Variants in COL12A1 observed in about 807,000 individuals in gnomAD.
The protein encoded by COL12A1 is collagen type XII alpha 1 chain, also known as collagen alpha-1(XII) chain.
Under a neutral mutation model 349.7 loss-of-function variants are expected in COL12A1, and 114 were observed. The ratio of observed to expected loss-of-function variants is 0.33; its 90% confidence interval spans 0.28 to 0.38. The LOEUF (loss-of-function observed/expected upper bound fraction) is 0.38, where lower values mean the gene tolerates loss of function less well. Ranked by LOEUF, COL12A1 falls within the 10% of genes least tolerant of loss-of-function variation. The pLI is 1.00. For synonymous variants in COL12A1, 1,369 were observed against 1,329.0 expected, an observed-to-expected ratio of 1.03 and a Z score of -0.66; for missense variants, 3,284 against 3,756.9, an observed-to-expected ratio of 0.87 and a Z score of 3.29.
chr6:75,165,377 A>T (rs1768237793), intron 14 of COL12A1, 130 bp downstream of exon 14: 4 of 1,245,966 alleles, frequency 3.2e-6, no homozygotes, highest in Non-Finnish European at 4.4e-6. Flanking sequence ...TTCTTTAAAG[A>T]TCCTAATTCC....
rs1445677898 is a variant in COL12A1 at position 75,183,749 on chromosome 6, A to C, written c.1289-97T>G. 3.2e-6 allele frequency: 5 copies of C among 1,540,004 alleles called. No individual in the cohort carries two copies. In the East Asian group the frequency reaches 1.1e-4, roughly 35 times the overall value. On this transcript the variant is annotated intron_variant, in intron 9 of 65. Coordinates refer to ENST00000322507, the MANE Select transcript of COL12A1 (RefSeq NM_004370.6). ...TAGTAAGCGTGCTTCTTTAAAAAAA[A>C]AACTATTGCAAATATTTCATTCAAA... is the stretch of plus-strand genomic sequence containing the variant.
chr6:75,192,818 G>GA (rs941636701), intron 3 of COL12A1, among the ~76,000 whole-genome samples: 4 of 152,106 alleles, frequency 2.6e-5, no homozygotes, highest in South Asian at 2.1e-4. Flanking sequence ...CCCCTAGTGG[G>GA]AAAAAATCTG....
In COL12A1 at chr6:75,177,887, C is replaced by T. The variant is rs750973541; in HGVS notation, c.2213G>A (p.Ser738Asn). The change falls in exon 12 of 66, where the codon AGT becomes AAT. Residue 738 changes from serine (S) to asparagine (N), a missense_variant. Physicochemically the swap from Ser to Asn is conservative, Grantham distance 46 (BLOSUM62 1). This residue lies in a region of COL12A1 where 2,601 missense variants were observed against 2,824.8 expected (regional missense o/e 0.92). Coordinates refer to ENST00000322507, the MANE Select transcript of COL12A1 (RefSeq NM_004370.6). ...NLKVTDETTD[S>N]FKITWTQAPG... The stretch of plus-strand genomic sequence containing the variant: ...AGCTTGAGTCCAAGTAATTTTGAAA[C>T]TATCTGTAGTCTCATCTGTCACCTT... 6.2e-7 allele frequency: 1 copy of T among 1,613,240 alleles called. No individual in the cohort carries two copies. The highest frequency in any genetic ancestry group is 1.1e-5 in the South Asian group (1 of 91,080).
intron 6 of COL12A1, 73 bp downstream of exon 6, chr6:75,189,479 A>T: frequency 6.3e-7 from 1 of 1,577,436 alleles, no homozygotes; most frequent in Admixed American, 1.8e-5. Flanking sequence ...AATATGTAAT[A>T]GGCAATGCAT....
At chr6:75,128,909 C>A (rs1281582617) in intron 37 of COL12A1, among the ~76,000 whole-genome samples, 2 of 152,202 alleles carry the variant, frequency 1.3e-5, no homozygotes, top group Non-Finnish European at 2.9e-5. Context: ...TCAAAAATAT[C>A]AGTTTGGCTG....
chr6:75,189,313 T>G lies in COL12A1; in HGVS notation c.727A>C (p.Lys243Gln), dbSNP rs1769801626. 1 of 1,613,096 alleles carries G rather than the reference T, an allele frequency of 6.2e-7. No homozygotes were observed. Among genetic ancestry groups the G allele is most frequent in the African/African-American group, 1.3e-5 (1 of 74,878 alleles). Residue 243 changes from lysine (K) to glutamine (Q), a missense_variant, in exon 7 of 66, where the codon AAA (lysine) becomes CAA (glutamine). Physicochemically the swap from Lys to Gln is moderately conservative, Grantham distance 53. Around this residue, in one of 2 missense-constraint regions of COL12A1, gnomAD observed 2,601 missense variants for 2,824.8 expected, o/e 0.92. Coordinates refer to ENST00000322507, the MANE Select transcript of COL12A1 (RefSeq NM_004370.6). Reference protein sequence around the residue: ...ESAGARVGFPKVAIIITDGKS... With the variant: ...ESAGARVGFPQVAIIITDGKS... ...CCATCCGTAATAATAATTGCCACTT[T>G]AGGAAAGCCAACTCTTGCCCCAGCA...
Position 75,140,655 on chromosome 6 carries a change from C to CAAA in COL12A1, c.4957+1374_4957+1376dup, listed in dbSNP as rs1236499281. On this transcript the variant is annotated intron_variant, in intron 27 of 65. Transcript: ENST00000322507. ...TGGGTGACAGAGCGAGACTCTGTCT[C>CAAA]AAAAAAAAAAAAAAAAAAAAAAAGC... 1.8e-3 allele frequency among the ~76,000 whole-genome samples: 81 copies of CAAA among 45,852 alleles called. No individual in the cohort carries two copies. In the East Asian group the frequency reaches 0.023, roughly 13 times the overall value. The allele number at this position is 45,852 out of a possible 152,430, so 30.1% of individuals were successfully genotyped here.
intron 27 of COL12A1, among the ~76,000 whole-genome samples, chr6:75,141,768 A>G (rs1766902371): frequency 2.0e-5 from 3 of 152,234 alleles, no homozygotes; most frequent in Admixed American, 6.5e-5. Context: ...ATGCACACAC[A>G]TACACAGGTG....
chr6:75,124,218 A>C, intron 41 of COL12A1, 37 bp downstream of exon 41: 2 of 1,601,216 alleles, frequency 1.2e-6, no homozygotes, highest in Non-Finnish European at 8.5e-7. Flanking sequence ...TTTCCACTAC[A>C]TGCTCCAGAT....
intron 52 of COL12A1, among the ~76,000 whole-genome samples, chr6:75,106,853 C>T (rs1376811070): frequency 5.0e-5 from 7 of 140,570 alleles, no homozygotes; most frequent in Admixed American, 1.4e-4. Flanking sequence ...AGTTTTGTTC[C>T]ACTTGTTTGT....
chr6:75,138,651 C>A, intron 28 of COL12A1, 71 bp from the exon 29 acceptor site: 1 of 1,586,910 alleles, frequency 6.3e-7, no homozygotes, highest in Non-Finnish European at 8.6e-7. Context: ...CACTCAATGG[C>A]AGTTTATTCA....
chr6:75,093,264 G>A (rs1003869507), intron 60 of COL12A1, among the ~76,000 whole-genome samples: 1 of 152,164 alleles, frequency 6.6e-6, no homozygotes, highest in Non-Finnish European at 1.5e-5. Flanking sequence ...ACACTGGCTA[G>A]CATATTGTAG....
intron 13 of COL12A1, among the ~76,000 whole-genome samples, chr6:75,171,529 A>AT (rs1263443327): frequency 7.2e-5 from 11 of 152,230 alleles, no homozygotes; most frequent in Admixed American, 6.5e-5. Context: ...GCCATAATGC[A>AT]TTTGAGGTAA....
chr6:75,183,141 T>G lies in COL12A1; in HGVS notation c.1800A>C (p.Glu600Asp), dbSNP rs1362771230. Residue 600 changes from glutamate (E) to aspartate (D), a missense_variant, in exon 10 of 66, where the codon GAA (glutamate) becomes GAC (aspartate). Around this residue, in one of 2 missense-constraint regions of COL12A1, gnomAD observed 2,601 missense variants for 2,824.8 expected, o/e 0.92. Coordinates refer to ENST00000322507, the MANE Select transcript of COL12A1 (RefSeq NM_004370.6). The stretch of plus-strand genomic sequence containing the variant: ...ATATCCTCTGAAAAGCATCAAAATC[T>G]TCCACTGTGAACACATGGGTCTCTG... ...PPAETHVFTV[E>D]DFDAFQRISF... The G allele has an allele frequency of 6.2e-7, 1 of 1,614,146 alleles. No individual in the cohort carries two copies. Among genetic ancestry groups the G allele is most frequent in the Admixed American group, 1.7e-5 (1 of 60,000 alleles).
At chr6:75,165,416 A>G in intron 14 of COL12A1, 91 bp downstream of exon 14, 1 of 1,476,104 alleles carries the variant, frequency 6.8e-7, no homozygotes, top group Non-Finnish European at 9.1e-7. Context: ...GTAAAGAAAA[A>G]ACATTCAAGT....
intron 23 of COL12A1, 65 bp from the exon 24 acceptor site, chr6:75,146,309 T>C (rs907833787): frequency 4.1e-6 from 6 of 1,471,022 alleles, no homozygotes; most frequent in Non-Finnish European, 5.4e-6. Flanking sequence ...TTAACCATTG[T>C]TTTGTACTCA....
At chr6:75,132,954 A>G (rs187610438) in intron 34 of COL12A1, among the ~76,000 whole-genome samples, 8 of 152,264 alleles carry the variant, frequency 5.3e-5, no homozygotes, top group Admixed American at 2.0e-4. Context: ...AATTCGCACT[A>G]TGAAAGCCAA....
At chr6:75,178,053 CA>C (rs1451472784) in intron 11 of COL12A1, 118 bp from the exon 12 acceptor site, 3 of 961,464 alleles carry the variant, frequency 3.1e-6, no homozygotes, top group Non-Finnish European at 3.0e-6. Flanking sequence ...AATCCATGAG[CA>C]ATTTATTTGC....
intron 12 of COL12A1, among the ~76,000 whole-genome samples, chr6:75,176,156 T>C (rs1305100081): frequency 2.0e-5 from 3 of 151,996 alleles, no homozygotes; most frequent in East Asian, 3.9e-4. Flanking sequence ...AAAGCCTCCA[T>C]AGCAGAACAG....
Sources: allele counts gnomAD v4.1 joint callset (sites outside exome capture counted in the v4.1 genomes callset), GRCh38; gene constraint gnomAD v4.1.1; regional missense constraint gnomAD v4.1.1; transcripts MANE v1.5; gene names NCBI Gene and HGNC (gene_info 2026-07-23, HGNC 2026-07-21).